The following LRRC8D variants were observed in gnomAD, a reference collection of about 807,000 sequenced individuals.
LRRC8D encodes volume-regulated anion channel subunit LRRC8D.
A neutral mutation model predicts 55.8 loss-of-function variants in LRRC8D; 20 were observed. The ratio of observed to expected loss-of-function variants is 0.36; its 90% confidence interval spans 0.25 to 0.52. The LOEUF (loss-of-function observed/expected upper bound fraction) is 0.52, where lower values mean the gene tolerates loss of function less well. Ranked by LOEUF, LRRC8D falls within the 20% of genes least tolerant of loss-of-function variation. The pLI is 0.93. For missense variants in LRRC8D, 651 were observed against 1,030.8 expected (o/e 0.63, Z 5.05); for synonymous variants, 352 against 377.0 (o/e 0.93, Z 0.77).
chr1:89,924,863 C>G (rs1663517041), intron 2 of LRRC8D, among the ~76,000 whole-genome samples: 1 of 152,098 alleles, frequency 6.6e-6, no homozygotes, highest in Non-Finnish European at 1.5e-5. Flanking sequence ...GAGCTAAACA[C>G]TGAATACACA....
At chr1:89,923,775 C>T (rs913630932) in intron 2 of LRRC8D, among the ~76,000 whole-genome samples, 1 of 152,126 alleles carries the variant, frequency 6.6e-6, no homozygotes. Context: ...CAAAATTACA[C>T]ACATACAACC....
intron 2 of LRRC8D, among the ~76,000 whole-genome samples, chr1:89,919,947 C>G (rs1485457388): frequency 2.0e-5 from 3 of 152,094 alleles, no homozygotes; most frequent in Non-Finnish European, 4.4e-5. Flanking sequence ...ATTCTGCTGG[C>G]CTGAGTTCAT....
At chr1:89,842,534 T>C (rs1557445366) in intron 1 of LRRC8D, among the ~76,000 whole-genome samples, 2 of 152,354 alleles carry the variant, frequency 1.3e-5, no homozygotes, top group East Asian at 3.9e-4. Context: ...ATGATTATTG[T>C]TTGTATTACA....
At chr1:89,856,233 A>G (rs1395385328) in intron 2 of LRRC8D, among the ~76,000 whole-genome samples, 1 of 152,214 alleles carries the variant, frequency 6.6e-6, no homozygotes, top group Non-Finnish European at 1.5e-5. Context: ...TTGCTAGATC[A>G]GTAAATAATT....
chr1:89,864,120 A>T (rs1321778319), intron 2 of LRRC8D, among the ~76,000 whole-genome samples: 1 of 152,228 alleles, frequency 6.6e-6, no homozygotes, highest in African/African-American at 2.4e-5. Flanking sequence ...GCACCATGTC[A>T]ATAGTGAGGA....
At chr1:89,859,496 T>C (rs78293657) in intron 2 of LRRC8D, among the ~76,000 whole-genome samples, 83 of 152,278 alleles carry the variant, frequency 5.5e-4, no homozygotes, top group African/African-American at 1.9e-3. Context: ...GCTGTGAAAA[T>C]AGAAATGGTT....
rs761635066 is a variant in LRRC8D at position 89,933,048 on chromosome 1, T to G, written c.-2-19T>G. The G allele has an allele frequency of 1.3e-6, 2 of 1,593,264 alleles. No individual in the cohort carries two copies. Among genetic ancestry groups the G allele is most frequent in the Non-Finnish European group, 1.7e-6 (2 of 1,164,780 alleles). On this transcript the variant is annotated intron_variant, in intron 2 of 2. Coordinates refer to ENST00000337338, the MANE Select transcript of LRRC8D (RefSeq NM_001134479.2). This position sits in a 1 kb window ranked among gnomAD's most constrained non-coding sequence, Gnocchi z 7.0. The stretch of plus-strand genomic sequence containing the variant: ...ATTTGCATCTCTAGAATAATGTCTT[T>G]TGTCTTCTTGTTTTCTAGGAATGTT...
intron 2 of LRRC8D, among the ~76,000 whole-genome samples, chr1:89,912,142 A>G (rs1663147972): frequency 3.9e-5 from 6 of 152,000 alleles, no homozygotes. Flanking sequence ...CCAACTGAAA[A>G]ATTGAATTGA....
intron 2 of LRRC8D, among the ~76,000 whole-genome samples, chr1:89,851,619 C>T (rs2100767946): frequency 6.6e-6 from 1 of 151,956 alleles, no homozygotes; most frequent in South Asian, 2.1e-4. Context: ...AAGTGATTCT[C>T]CTGTCTCAGC....
intron 1 of LRRC8D, among the ~76,000 whole-genome samples, chr1:89,842,513 TCA>T (rs1661161496): frequency 6.6e-6 from 1 of 152,256 alleles, no homozygotes; most frequent in African/African-American, 2.4e-5. Flanking sequence ...AAACTGAGCT[TCA>T]TATGTAGAAT....
intron 2 of LRRC8D, among the ~76,000 whole-genome samples, chr1:89,920,993 C>A (rs1488188200): frequency 6.6e-6 from 1 of 152,148 alleles, no homozygotes; most frequent in African/African-American, 2.4e-5. Flanking sequence ...CCCAGGTTGA[C>A]CAAGAGGGCT....
chr1:89,861,492 G>A (rs966162770), intron 2 of LRRC8D, among the ~76,000 whole-genome samples: 2 of 151,414 alleles, frequency 1.3e-5, no homozygotes, highest in Non-Finnish European at 2.9e-5. Context: ...ACCTTGTATT[G>A]TCCTCTTCTT....
intron 1 of LRRC8D, among the ~76,000 whole-genome samples, chr1:89,830,773 A>G (rs1425637417): frequency 1.3e-5 from 2 of 152,212 alleles, no homozygotes; most frequent in African/African-American, 4.8e-5. Context: ...CTAATTCAAC[A>G]TTTTAGAACT....
intron 2 of LRRC8D, 88 bp from the exon 3 acceptor site, chr1:89,932,979 T>C: frequency 8.6e-7 from 1 of 1,167,272 alleles, no homozygotes. Flanking sequence ...ATGAGAAAAC[T>C]TTAGTTAGGA....
chr1:89,871,222 G>C (rs1200803342), intron 2 of LRRC8D, among the ~76,000 whole-genome samples: 1 of 152,184 alleles, frequency 6.6e-6, no homozygotes, highest in Non-Finnish European at 1.5e-5. Context: ...CTTGTTTATA[G>C]AGTCAAATTA....
intron 2 of LRRC8D, among the ~76,000 whole-genome samples, chr1:89,900,917 T>TG (rs1240232405): frequency 6.6e-6 from 1 of 152,194 alleles, no homozygotes; most frequent in African/African-American, 2.4e-5. Context: ...TTCTTTGCCA[T>TG]GGCGACTGGA....
chr1:89,863,205 T>C (rs907842349), intron 2 of LRRC8D, among the ~76,000 whole-genome samples: 1 of 152,212 alleles, frequency 6.6e-6, no homozygotes, highest in East Asian at 1.9e-4. Flanking sequence ...ATAGTTGTTA[T>C]GAGGATTACA....
chr1:89,883,441 C>T (rs546246286), intron 2 of LRRC8D, among the ~76,000 whole-genome samples: 1 of 152,182 alleles, frequency 6.6e-6, no homozygotes, highest in South Asian at 2.1e-4. Context: ...AGGGAAGGAA[C>T]CCCTGGGTTT....
intron 2 of LRRC8D, among the ~76,000 whole-genome samples, chr1:89,888,346 G>A (rs1662475928): frequency 6.6e-6 from 1 of 152,174 alleles, no homozygotes; most frequent in African/African-American, 2.4e-5. Context: ...TGAGGGCCTT[G>A]GTTTCTCACT....
Sources: allele counts gnomAD v4.1 joint callset (sites outside exome capture counted in the v4.1 genomes callset), GRCh38; gene constraint gnomAD v4.1.1; non-coding constraint Gnocchi (gnomAD v3.1); transcripts MANE v1.5; gene names NCBI Gene and HGNC (gene_info 2026-07-23, HGNC 2026-07-21).